GHR: variants seen among roughly 807,000 people sequenced by gnomAD.
The protein encoded by GHR is growth hormone receptor, also known as GH receptor.
Under a neutral mutation model 67.1 loss-of-function variants are expected in GHR, and 35 were observed. The ratio of observed to expected loss-of-function variants is 0.52; its 90% confidence interval spans 0.40 to 0.69. The LOEUF is 0.69. Among genes scored for constraint, GHR ranks in the 30% least tolerant of loss-of-function variants. The pLI is 0.00. For synonymous variants in GHR, 272 were observed against 269.1 expected (o/e 1.01, Z -0.10); for missense variants, 792 against 764.6 (o/e 1.04, Z -0.42).
In GHR at chr5:42,677,368, T is replaced by C. The variant is rs897144589; in HGVS notation, c.137-11522T>C. Among the ~76,000 whole-genome samples the C allele has an allele frequency of 1.3e-4, 20 of 152,332 alleles. 1 individual carries two copies. Among genetic ancestry groups the C allele is most frequent in the African/African-American group, 4.8e-4 (20 of 41,596 alleles). On this transcript the variant is annotated intron_variant, in intron 3 of 9. Coordinates refer to ENST00000230882, the MANE Select transcript of GHR (RefSeq NM_000163.5). The stretch of plus-strand genomic sequence containing the variant: ...CACAGTATCTGCGTGAGTGTGGTAA[T>C]TCTCTACCCTTACGAGTGTCATCAC...
intron 1 of GHR, among the ~76,000 whole-genome samples, chr5:42,478,964 GTT>G (rs1262669879): frequency 6.6e-6 from 1 of 152,134 alleles, no homozygotes; most frequent in Non-Finnish European, 1.5e-5. Context: ...TTTTGTGCCC[GTT>G]TTCAAAGGGA....
chr5:42,527,457 G>C (rs891691394), intron 1 of GHR, among the ~76,000 whole-genome samples: 2 of 152,140 alleles, frequency 1.3e-5, no homozygotes, highest in African/African-American at 2.4e-5. Flanking sequence ...GATCAAAAAA[G>C]ACAAAGAAGG....
intron 2 of GHR, among the ~76,000 whole-genome samples, chr5:42,576,078 AT>A (rs1177378597): frequency 1.0e-5 from 1 of 98,232 alleles, no homozygotes; most frequent in Non-Finnish European, 1.9e-5. Flanking sequence ...ATAAAATAAA[AT>A]AAAATAAAAT....
chr5:42,609,864 A>G (rs917977680), intron 2 of GHR, among the ~76,000 whole-genome samples: 56 of 152,162 alleles, frequency 3.7e-4, no homozygotes, highest in Non-Finnish European at 1.3e-4. Flanking sequence ...ATATGGTACA[A>G]TATTCAAGAG....
chr5:42,469,077 T>C (rs983888534), intron 1 of GHR, among the ~76,000 whole-genome samples: 3 of 152,264 alleles, frequency 2.0e-5, no homozygotes, highest in African/African-American at 7.2e-5. Context: ...AAAAGATAGT[T>C]CTAGATAATA....
At chr5:42,669,975 A>T (rs554315771) in intron 3 of GHR, among the ~76,000 whole-genome samples, 1 of 152,306 alleles carries the variant, frequency 6.6e-6, no homozygotes, top group South Asian at 2.1e-4. Flanking sequence ...ATTCAATGCA[A>T]TCCTATCAAA....
At chr5:42,531,476 G>A (rs1465604408) in intron 1 of GHR, among the ~76,000 whole-genome samples, 1 of 126,920 alleles carries the variant, frequency 7.9e-6, no homozygotes, top group East Asian at 1.9e-4. Context: ...GATGACCATA[G>A]ACTTTTTTTT....
chr5:42,607,585 G>T (rs1459332412), intron 2 of GHR, among the ~76,000 whole-genome samples: 1 of 152,168 alleles, frequency 6.6e-6, no homozygotes, highest in Non-Finnish European at 1.5e-5. Flanking sequence ...ATAATCAGTT[G>T]CTACATGTTA....
intron 3 of GHR, among the ~76,000 whole-genome samples, chr5:42,671,072 T>C (rs979495761): frequency 6.6e-6 from 1 of 151,898 alleles, no homozygotes; most frequent in Admixed American, 6.6e-5. Flanking sequence ...AAAAAGTTAA[T>C]TTGCCATGAT....
At chr5:42,706,456 C>A (rs778439049) in intron 6 of GHR, among the ~76,000 whole-genome samples, 1 of 151,802 alleles carries the variant, frequency 6.6e-6, no homozygotes, top group African/African-American at 2.4e-5. Flanking sequence ...TGTCATGAAA[C>A]CTTTGCTAAG....
At position 42,681,707 on chromosome 5, in the gene GHR, C is replaced by T. The variant is rs183575930; in HGVS notation, c.137-7183C>T. Among the ~76,000 whole-genome samples, 806 of 152,234 alleles carry T rather than the reference C, an allele frequency of 5.3e-3. 3 individuals are homozygous for T. The highest frequency in any genetic ancestry group is 0.019 in the African/African-American group (783 of 41,556). On this transcript the variant is annotated intron_variant, in intron 3 of 9. Transcript: ENST00000230882. The stretch of plus-strand genomic sequence containing the variant: ...ATCCCAGCACTTTGGGAGGCTGAGG[C>T]AGGCAGATCACAAGTTCAGGAGATC...
At chr5:42,564,346 CTCACAATGTGTGAGATTTATT>C (rs1561125698) in intron 1 of GHR, among the ~76,000 whole-genome samples, 4 of 150,172 alleles carry the variant, frequency 2.7e-5, no homozygotes, top group African/African-American at 7.4e-5. Flanking sequence ...TATTTGAAAT[CTCACAATGTGTGAGATTTATT>C]TGAAATCTCA....
Position 42,718,523 on chromosome 5 carries a change from A to G in GHR, c.1016A>G (p.Asp339Gly), listed in dbSNP as rs1298946074. The stretch of plus-strand genomic sequence containing the variant: ...AGCTATAAACCCGAATTCCACAGTG[A>G]TGACTCTTGGGTTGAATTTATTGAG... ...HDSYKPEFHS[D>G]DSWVEFIELD... Residue 339 changes from aspartate to glycine, a missense_variant, in exon 10 of 10, where the codon GAT becomes GGT. Physicochemically the swap from Asp to Gly is moderately conservative, Grantham distance 94. Coordinates refer to ENST00000230882, the MANE Select transcript of GHR (RefSeq NM_000163.5). The G allele has an allele frequency of 5.0e-6, 8 of 1,613,318 alleles. No homozygotes were observed. Among genetic ancestry groups the G allele is most frequent in the Non-Finnish European group, 6.8e-6 (8 of 1,179,244 alleles).
At chr5:42,627,801 G>A (rs1307535012) in intron 2 of GHR, among the ~76,000 whole-genome samples, 2 of 152,252 alleles carry the variant, frequency 1.3e-5, no homozygotes, top group Admixed American at 1.3e-4. Context: ...GACAGCTTGA[G>A]TGTTAATCAG....
chr5:42,659,468 A>T (rs1324770520), intron 3 of GHR: 1 of 152,200 alleles, frequency 6.6e-6, no homozygotes, highest in Non-Finnish European at 1.5e-5. Flanking sequence ...TATGAACTCG[A>T]TGAAAACTCT....
chr5:42,719,378 CAT>C lies in GHR; in HGVS notation c.1872_1873del (p.Cys625TrpfsTer56), dbSNP rs868400588. On this transcript the variant is annotated frameshift_variant, in exon 10 of 10. Transcript: ENST00000230882. LOFTEE classifies it high-confidence loss of function. ...TTGCCTGACAAAGAGTTTCTCTCAT[CAT>C]GTGGCTATGTGAGCACAGACCAACT... The C allele has an allele frequency of 3.7e-6, 6 of 1,613,814 alleles. No individual in the cohort carries two copies. In the African/African-American group the frequency reaches 8.0e-5, roughly 22 times the overall value.
At chr5:42,547,335 T>TGGTCACACACAGGAAAATG (rs1748782822) in intron 1 of GHR, among the ~76,000 whole-genome samples, 1 of 152,172 alleles carries the variant, frequency 6.6e-6, no homozygotes, top group Non-Finnish European at 1.5e-5. Context: ...ACAGGACTGT[T>TGGTCACACACAGGAAAATG]GGTCACACAC....
At chr5:42,554,874 C>G (rs1749224528) in intron 1 of GHR, among the ~76,000 whole-genome samples, 1 of 152,078 alleles carries the variant, frequency 6.6e-6, no homozygotes, top group East Asian at 1.9e-4. Context: ...TTTTTTAATG[C>G]AGTTGCTAGA....
chr5:42,580,198 T>C (rs1751084722), intron 2 of GHR, among the ~76,000 whole-genome samples: 1 of 152,198 alleles, frequency 6.6e-6, no homozygotes, highest in South Asian at 2.1e-4. Flanking sequence ...CTTAAAAAAC[T>C]GTAATTTAAT....
Sources: gnomAD v4.1 joint callset for allele counts (sites outside exome capture counted in the v4.1 genomes callset) on GRCh38, gnomAD v4.1.1 for gene constraint, MANE v1.5 for transcripts, NCBI Gene and HGNC (gene_info 2026-07-23, HGNC 2026-07-21) for gene names.